MYO15B: variants seen among roughly 807,000 people sequenced by gnomAD.
MYO15B encodes myosin XVB pseudogene.
Under a neutral mutation model 119.3 loss-of-function variants are expected in MYO15B, and 207 were observed. The observed-to-expected ratio is 1.73, with a 90% CI of 1.55 to 1.95. The LOEUF is 1.95. Ranked by LOEUF, MYO15B falls within the 30% of genes most tolerant of loss-of-function variation. The pLI is 0.00. For synonymous variants in MYO15B, 966 were observed against 498.9 expected, an observed-to-expected ratio of 1.94 and a Z score of -12.48; for missense variants, 2,264 against 1,203.1, an observed-to-expected ratio of 1.88 and a Z score of -13.04.
chr17:75,592,405 C>G (rs1208970786), intron 7 of MYO15B, 23 bp from the exon 8 acceptor site: 2 of 662,198 alleles, frequency 3.0e-6, no homozygotes, highest in African/African-American at 1.8e-5. Flanking sequence ...GCACTGAGCC[C>G]CTAAGCCAGT....
chr17:75,624,277 G>A lies in MYO15B; in HGVS notation c.8367+8G>A. On this transcript the variant is annotated splice_region_variant and intron_variant, in intron 56 of 63. Transcript: ENST00000645453. The stretch of plus-strand genomic sequence containing the variant: ...GAAATGAAGGCTTTCCTGGTACTGG[G>A]GGTGGCGGATGGGCATTGTGGGACA... 1 of 702,982 alleles carries A rather than the reference G, an allele frequency of 1.4e-6. No individual in the cohort carries two copies. The allele number at this position is 702,982 out of a possible 1,614,324, so 43.5% of individuals were successfully genotyped here.
rs1032438113 is a variant in MYO15B, at chr17:75,590,577, A to G, written c.2187-49A>G. ...CAGTGGGTGGCAGAACTAACCCACA[A>G]CCTCCTGCAGCCACAACTTGTCATG... On this transcript the variant is annotated intron_variant, in intron 1 of 63. Transcript: ENST00000645453. 3.7e-5 allele frequency: 10 copies of G among 273,132 alleles called. No homozygotes were observed. In the East Asian group the frequency reaches 3.9e-4, roughly 11 times the overall value. The allele number at this position is 273,132 out of a possible 1,614,324, so 16.9% of individuals were successfully genotyped here.
At chr17:75,605,467 T>A (rs2057581456) in intron 19 of MYO15B, 37 bp from the exon 20 acceptor site, 1 of 669,748 alleles carries the variant, frequency 1.5e-6, no homozygotes, top group African/African-American at 1.9e-5. Context: ...AAAAGGAGGT[T>A]CTGGCTATTC....
At chr17:75,590,137 C>T (rs2067369360) in exon 1 of MYO15B, 1 of 398,940 alleles carries the variant, frequency 2.5e-6, no homozygotes, top group South Asian at 1.3e-4. Context: ...GGAGAGGGAC[C>T]TGGAGCTGAG....
At chr17:75,612,859 A>G in exon 26 of MYO15B, 1 of 702,808 alleles carries the variant, frequency 1.4e-6, no homozygotes, top group Non-Finnish European at 2.6e-6. Flanking sequence ...CTGGATGGAG[A>G]CAACCCTCAG....
At chr17:75,599,937 C>T (rs1286110810) in intron 14 of MYO15B, among the ~76,000 whole-genome samples, 1 of 150,642 alleles carries the variant, frequency 6.6e-6, no homozygotes, top group Non-Finnish European at 1.5e-5. Flanking sequence ...TAAATAAATA[C>T]AAGCGCATGT....
intron 19 of MYO15B, 74 bp from the exon 20 acceptor site, chr17:75,605,430 C>T (rs1052342092): frequency 3.4e-6 from 2 of 587,390 alleles, no homozygotes; most frequent in South Asian, 3.5e-5. Flanking sequence ...GAGCGAGACT[C>T]CGTCTTAAAA....
intron 19 of MYO15B, among the ~76,000 whole-genome samples, chr17:75,605,253 C>T (rs989177718): frequency 2.0e-5 from 3 of 151,154 alleles, no homozygotes; most frequent in South Asian, 2.1e-4. Context: ...CTGGCTAACA[C>T]GGTGAAACCC....
intron 14 of MYO15B, among the ~76,000 whole-genome samples, chr17:75,598,458 G>T (rs1308924234): frequency 6.7e-6 from 1 of 148,560 alleles, no homozygotes; most frequent in Non-Finnish European, 1.5e-5. Flanking sequence ...GGCGCCTGTA[G>T]TCCCAGCTAC....
At position 75,619,877 on chromosome 17, in the gene MYO15B, A is replaced by ATT. The variant is rs2148085334; in HGVS notation, c.7302-2_7302-1insTT. 1.4e-6 allele frequency: 1 copy of ATT among 702,318 alleles called. No homozygotes were observed. Among genetic ancestry groups the ATT allele is most frequent in the Non-Finnish European group, 2.6e-6 (1 of 384,634 alleles). The allele number at this position is 702,318 out of a possible 1,614,324, so 43.5% of individuals were successfully genotyped here. ...CTCAGTTCATGCCCGATCCCTGCGCAGCTTTGCGGAGGTGCTGGGTGTGGA... is the reference window on the plus strand; with the variant it reads ...CTCAGTTCATGCCCGATCCCTGCGCATTGCTTTGCGGAGGTGCTGGGTGTGGA... On this transcript the variant is annotated splice_acceptor_variant, in intron 46 of 63. Transcript: ENST00000645453. LOFTEE classifies it high-confidence loss of function.
intron 19 of MYO15B, among the ~76,000 whole-genome samples, chr17:75,605,262 C>T (rs1307937078): frequency 6.6e-6 from 1 of 151,948 alleles, no homozygotes; most frequent in African/African-American, 2.4e-5. Flanking sequence ...ACGGTGAAAC[C>T]CTGTCTCTAC....
chr17:75,612,413 T>G (rs755015093), intron 25 of MYO15B, among the ~76,000 whole-genome samples: 2 of 152,194 alleles, frequency 1.3e-5, no homozygotes, highest in Non-Finnish European at 2.9e-5. Context: ...GGCTCATGCT[T>G]GTAATCCCAG....
Position 75,602,501 on chromosome 17 carries a change from G to C in MYO15B, c.3652-16G>C, listed in dbSNP as rs888492389. On this transcript the variant is annotated splice_polypyrimidine_tract_variant and intron_variant, in intron 15 of 63. Transcript: ENST00000645453. ...CCTTTCTCCACTTCCCTCCCCACCT[G>C]CATGGTCTCTTGCAGGTTCACAAGT... 1.4e-6 allele frequency: 1 copy of C among 702,444 alleles called. No individual in the cohort carries two copies. Among genetic ancestry groups the C allele is most frequent in the Non-Finnish European group, 2.6e-6 (1 of 384,722 alleles). 43.5% of individuals were successfully genotyped at this position (702,444 alleles called of 1,614,324 possible).
exon 1 of MYO15B, chr17:75,588,915 C>T (rs925131159): frequency 2.5e-6 from 1 of 398,402 alleles, no homozygotes; most frequent in African/African-American, 2.1e-5. Flanking sequence ...CGCAGCGGGG[C>T]GCCGAGCCAG....
At chr17:75,613,398 C>T in exon 28 of MYO15B, 1 of 671,480 alleles carries the variant, frequency 1.5e-6, no homozygotes, top group Non-Finnish European at 2.7e-6. Context: ...CTCGGGCCCA[C>T]CCCCCGACCC....
intron 9 of MYO15B, among the ~76,000 whole-genome samples, chr17:75,593,199 A>T (rs1454337573): frequency 1.7e-5 from 1 of 59,332 alleles, no homozygotes; most frequent in African/African-American, 1.3e-4. Context: ...GTCTCTATTA[A>T]AAAAAAAAAA....
chr17:75,617,469 C>T (rs903736883), intron 41 of MYO15B, 165 bp downstream of exon 41: 9 of 551,662 alleles, frequency 1.6e-5, no homozygotes, highest in South Asian at 1.2e-4. Flanking sequence ...CCAGCTTCCG[C>T]GTTCCCACCC....
chr17:75,590,348 G>A (rs568490070), intron 1 of MYO15B, 105 bp downstream of exon 1: 7 of 398,464 alleles, frequency 1.8e-5, no homozygotes, highest in Non-Finnish European at 3.1e-5. Flanking sequence ...TGAATCCTTA[G>A]AAGGATGGGC....
At chr17:75,605,818 G>A (rs758547535) in intron 20 of MYO15B, 46 bp from the exon 21 acceptor site, 5 of 653,424 alleles carry the variant, frequency 7.7e-6, no homozygotes, top group African/African-American at 3.6e-5. Flanking sequence ...AGAGCAGGAG[G>A]GGCTGGCTCC....
Sources: gnomAD v4.1 joint callset for allele counts (sites outside exome capture counted in the v4.1 genomes callset) on GRCh38, gnomAD v4.1.1 for gene constraint, MANE v1.5 for transcripts, NCBI Gene and HGNC (gene_info 2026-07-23, HGNC 2026-07-21) for gene names.